Variants in NLGN1 observed in about 807,000 individuals in gnomAD.
NLGN1 encodes the protein neuroligin-1.
Under a neutral mutation model 65.5 loss-of-function variants are expected in NLGN1, and 12 were observed. The ratio of observed to expected loss-of-function variants is 0.18; its 90% CI spans 0.12 to 0.30. NLGN1 has a LOEUF of 0.30. NLGN1 is among the 10% of genes least tolerant of loss of function. The pLI is 1.00. For missense variants in NLGN1, 750 were observed against 1,007.1 expected (o/e 0.74, Z 3.46); for synonymous variants, 350 against 359.5 (o/e 0.97, Z 0.30).
At position 173,553,704 on chromosome 3, in the gene NLGN1, G is replaced by T. The variant is rs186114658; in HGVS notation, c.-320-50575G>T. Among the ~76,000 whole-genome samples, 412 of 152,324 alleles carry T rather than the reference G, an allele frequency of 2.7e-3. 1 individual carries two copies. Among genetic ancestry groups the T allele is most frequent in the Middle Eastern group, 0.01 (3 of 294 alleles). ...CAAGTGAAAAGAGAACTGTTTGAGT[G>T]AACATAAGTAGTGGTTAGGTTTAAC... On this transcript the variant is annotated intron_variant, in intron 2 of 6. Transcript: ENST00000457714.
chr3:173,695,872 G>A (rs1203948010), intron 3 of NLGN1, among the ~76,000 whole-genome samples: 1 of 152,174 alleles, frequency 6.6e-6, no homozygotes, highest in Non-Finnish European at 1.5e-5. Context: ...ATATATTGGT[G>A]CTATCATGGC....
intron 4 of NLGN1, among the ~76,000 whole-genome samples, chr3:174,168,542 T>G (rs567039320): frequency 1.2e-4 from 18 of 152,222 alleles, no homozygotes; most frequent in Non-Finnish European, 2.2e-4. Flanking sequence ...TATTGGCTAT[T>G]GGGCTGGGCA....
At position 174,163,956 on chromosome 3, in the gene NLGN1, G is replaced by A. The variant is rs1370638565; in HGVS notation, c.647-111359G>A. ...CTTTTAAATATGTATACTCAGTAAT[G>A]GGATTGCTGGGTCAAATGATACCTC... is the stretch of plus-strand genomic sequence containing the variant. On this transcript the variant is annotated intron_variant, in intron 4 of 6. Coordinates refer to ENST00000457714, the Ensembl canonical transcript of NLGN1. Among the ~76,000 whole-genome samples, 6 of 151,994 alleles carry A rather than the reference G, an allele frequency of 3.9e-5. No individual in the cohort carries two copies. The East Asian group carries it at 1.2e-3, about 29-fold the overall frequency.
intron 2 of NLGN1, among the ~76,000 whole-genome samples, chr3:173,477,202 A>G (rs1726373060): frequency 6.6e-6 from 1 of 152,138 alleles, no homozygotes; most frequent in African/African-American, 2.4e-5. Flanking sequence ...GGTGTCATTT[A>G]CATATAGGTG....
intron 2 of NLGN1, among the ~76,000 whole-genome samples, chr3:173,480,377 A>C (rs1430378718): frequency 6.6e-6 from 1 of 152,154 alleles, no homozygotes; most frequent in Non-Finnish European, 1.5e-5. Context: ...AAAACGTAAA[A>C]TAAACCAAAA....
At chr3:173,908,392 A>G (rs181935541) in intron 4 of NLGN1, among the ~76,000 whole-genome samples, 14 of 152,340 alleles carry the variant, frequency 9.2e-5, no homozygotes, top group Admixed American at 2.6e-4. Flanking sequence ...ATAGCCACAC[A>G]AAAATGTTTG....
At chr3:173,856,121 A>G (rs1170802474) in intron 4 of NLGN1, among the ~76,000 whole-genome samples, 2 of 152,128 alleles carry the variant, frequency 1.3e-5, no homozygotes, top group African/African-American at 2.4e-5. Context: ...CTTTTGGGGT[A>G]CTTCGTCAAG....
intron 4 of NLGN1, among the ~76,000 whole-genome samples, chr3:174,123,635 T>C (rs530852297): frequency 6.6e-6 from 1 of 152,256 alleles, no homozygotes; most frequent in South Asian, 2.1e-4. Flanking sequence ...CTTCCATTAC[T>C]GAAGCTCTTG....
intron 4 of NLGN1, among the ~76,000 whole-genome samples, chr3:173,874,428 G>T (rs1400996969): frequency 6.6e-6 from 1 of 152,170 alleles, no homozygotes; most frequent in Admixed American, 6.5e-5. Flanking sequence ...TTTTTTACAT[G>T]TAAGGCTTAA....
rs371316003 is a variant in NLGN1 at position 173,422,884 on chromosome 3, C to T, written c.-389-12126C>T. 5.3e-5 allele frequency among the ~76,000 whole-genome samples: 8 copies of T among 152,262 alleles called. 1 individual carries two copies. Among genetic ancestry groups the T allele is most frequent in the African/African-American group, 1.9e-4 (8 of 41,562 alleles). The stretch of plus-strand genomic sequence containing the variant: ...GATTCCTTGTCAGATGGATAAACTG[C>T]AAGTATTTTTTCTGTATTAGTCCAT... On this transcript the variant is annotated intron_variant, in intron 1 of 6. Coordinates refer to ENST00000457714, the Ensembl canonical transcript of NLGN1.
chr3:174,069,341 G>A (rs1458444006), intron 4 of NLGN1, among the ~76,000 whole-genome samples: 2 of 152,136 alleles, frequency 1.3e-5, no homozygotes, highest in Non-Finnish European at 2.9e-5. Flanking sequence ...TATTACCAAA[G>A]TAGTGTTTTG....
intron 4 of NLGN1, among the ~76,000 whole-genome samples, chr3:174,023,315 T>C (rs1728148454): frequency 6.6e-6 from 1 of 152,180 alleles, no homozygotes; most frequent in Non-Finnish European, 1.5e-5. Context: ...GATTCTAGGC[T>C]CACAAACCTA....
intron 4 of NLGN1, among the ~76,000 whole-genome samples, chr3:173,973,359 GTTGTC>G (rs1278661372): frequency 6.6e-6 from 1 of 152,028 alleles, no homozygotes; most frequent in Admixed American, 6.6e-5. Flanking sequence ...CAGGAGTCCT[GTTGTC>G]TTTTCTTTTT....
intron 3 of NLGN1, 87 bp downstream of exon 2, chr3:173,605,178 T>A: frequency 9.1e-7 from 1 of 1,096,190 alleles, no homozygotes; most frequent in Non-Finnish European, 1.3e-6. Context: ...TGTGTACTGG[T>A]AGTATGCATG....
At chr3:173,716,971 C>CT (rs2149980561) in intron 3 of NLGN1, among the ~76,000 whole-genome samples, 1 of 152,272 alleles carries the variant, frequency 6.6e-6, no homozygotes, top group East Asian at 1.9e-4. Flanking sequence ...ATCCTAGCAC[C>CT]TGAATTCATT....
chr3:173,405,678 A>T (rs1443887427), intron 1 of NLGN1, among the ~76,000 whole-genome samples: 1 of 152,082 alleles, frequency 6.6e-6, no homozygotes, highest in African/African-American at 2.4e-5. Context: ...TGTAATATAT[A>T]AAATATAGCT....
At chr3:174,066,133 A>T (rs1738496784) in intron 4 of NLGN1, among the ~76,000 whole-genome samples, 1 of 152,204 alleles carries the variant, frequency 6.6e-6, no homozygotes, top group Admixed American at 6.6e-5. Flanking sequence ...AAAAAGGGTC[A>T]TTACAACAGA....
At chr3:173,672,324 A>T (rs1762554786) in intron 3 of NLGN1, among the ~76,000 whole-genome samples, 1 of 152,172 alleles carries the variant, frequency 6.6e-6, no homozygotes, top group African/African-American at 2.4e-5. Flanking sequence ...AATTTTTCAG[A>T]TGTTTTTGAT....
At chr3:174,276,980 C>T (rs1390602501) in intron 5 of NLGN1, among the ~76,000 whole-genome samples, 4 of 151,904 alleles carry the variant, frequency 2.6e-5, no homozygotes, top group South Asian at 4.2e-4. Context: ...TAGTATCAAA[C>T]GGGCATTGGT....
Sources: allele counts gnomAD v4.1 joint callset (sites outside exome capture counted in the v4.1 genomes callset), GRCh38; gene constraint gnomAD v4.1.1; transcripts MANE v1.5; gene names NCBI Gene and HGNC (gene_info 2026-07-23, HGNC 2026-07-21).